Variants in TNFRSF25 observed in about 807,000 individuals in gnomAD.
The protein encoded by TNFRSF25 is tumor necrosis factor receptor superfamily member 25.
A neutral mutation model predicts 49.4 loss-of-function variants in TNFRSF25; 28 were observed. The observed-to-expected ratio is 0.57, with a 90% CI of 0.42 to 0.78. The LOEUF is 0.78. Ranked by LOEUF, TNFRSF25 falls within the 30% of genes least tolerant of loss-of-function variation. TNFRSF25 has a pLI of 0.00. For missense variants in TNFRSF25, 531 were observed against 581.6 expected, an observed-to-expected ratio of 0.91 and a Z score of 0.90; for synonymous variants, 240 against 234.2, an observed-to-expected ratio of 1.02 and a Z score of -0.23.
At position 6,464,511 on chromosome 1, in the gene TNFRSF25, AG is replaced by A. The variant is rs766079186; in HGVS notation, c.463+40del. On this transcript the variant is annotated intron_variant, in intron 4 of 9. Coordinates refer to ENST00000356876, the MANE Select transcript of TNFRSF25 (RefSeq NM_003790.3). ...GACAGGAGTGGGTCAGGCAGGGAGAAGGGGGTCTGGGAGTAGAGAGCCCTGG... is the reference window on the plus strand; with the variant it reads ...GACAGGAGTGGGTCAGGCAGGGAGAAGGGGTCTGGGAGTAGAGAGCCCTGG... 5 of 1,613,130 alleles carry A rather than the reference AG, an allele frequency of 3.1e-6. No homozygotes were observed. The Admixed American group carries it at 6.7e-5, about 22-fold the overall frequency.
In TNFRSF25 at chr1:6,465,564, G is replaced by C. The variant is rs771462454; in HGVS notation, c.40-4C>G. 24 of 1,611,596 alleles carry C rather than the reference G, an allele frequency of 1.5e-5. No individual in the cohort carries two copies. Among genetic ancestry groups the C allele is most frequent in the Non-Finnish European group, 2.0e-5 (23 of 1,179,214 alleles). On this transcript the variant is annotated splice_polypyrimidine_tract_variant and splice_region_variant and intron_variant, in intron 1 of 9. Coordinates refer to ENST00000356876, the MANE Select transcript of TNFRSF25 (RefSeq NM_003790.3). Reference sequence around the variant, plus strand: ...CCAGCAGCACCAGGAGGAGCGCCTGGGGGACAGGTGCTGCTGACTCTCAGC... The same window carrying C: ...CCAGCAGCACCAGGAGGAGCGCCTGCGGGACAGGTGCTGCTGACTCTCAGC...
Position 6,461,377 on chromosome 1 carries a change from G to C in TNFRSF25, c.*57C>G. Reference sequence around the variant, plus strand: ...AAAATGTCTACACGCATAAGTAACCGTACTTAGGGCTTCTGCAAGGGCCAC... The same window carrying C: ...AAAATGTCTACACGCATAAGTAACCCTACTTAGGGCTTCTGCAAGGGCCAC... On this transcript the variant is annotated 3_prime_UTR_variant, in exon 10 of 10. Transcript: ENST00000356876. The surrounding 1 kb of genome is among the most constrained non-coding windows in gnomAD (Gnocchi z 6.3). 6.8e-7 allele frequency: 1 copy of C among 1,463,458 alleles called. No homozygotes were observed. Among genetic ancestry groups the C allele is most frequent in the African/African-American group, 1.4e-5 (1 of 70,440 alleles). The allele number at this position is 1,463,458 out of a possible 1,614,324, so 90.7% of individuals were successfully genotyped here.
chr1:6,465,859 G>T, intron 1 of TNFRSF25: 2 of 1,423,238 alleles, frequency 1.4e-6, no homozygotes, highest in Non-Finnish European at 1.8e-6. Flanking sequence ...CACTGATAAT[G>T]CTCTGCCTGG....
In TNFRSF25 at chr1:6,461,301, G is replaced by A. The variant is rs1644164648; in HGVS notation, c.*133C>T. 3.4e-6 allele frequency: 4 copies of A among 1,177,714 alleles called. No homozygotes were observed. Among genetic ancestry groups the A allele is most frequent in the Non-Finnish European group, 4.9e-6 (4 of 811,002 alleles). 73.0% of individuals were successfully genotyped at this position (1,177,714 alleles called of 1,614,324 possible). A position where few individuals can be genotyped will look rare whatever the true frequency, so the allele number is the denominator to read the frequency against. ...AGCGATAGGGGCGAGCAGGGGTGGG[G>A]CCGGCTGGTGCTGCTACGCAGGGCC... On this transcript the variant is annotated 3_prime_UTR_variant, in exon 10 of 10. Transcript: ENST00000356876. The surrounding 1 kb of genome is among the most constrained non-coding windows in gnomAD (Gnocchi z 6.3).
chr1:6,462,940 A>AG lies in TNFRSF25; in HGVS notation c.628dup (p.Leu210ProfsTer29). 1.2e-6 allele frequency: 2 copies of AG among 1,602,236 alleles called. No individual in the cohort carries two copies. Among genetic ancestry groups the AG allele is most frequent in the Non-Finnish European group, 1.7e-6 (2 of 1,174,246 alleles). ...GGCCCCAAGCAGGAGGGGGACCACA[A>AG]GGCCAGCCAGGAGCACCTGGACCCA... On this transcript the variant is annotated frameshift_variant, in exon 7 of 10. Coordinates refer to ENST00000356876, the MANE Select transcript of TNFRSF25 (RefSeq NM_003790.3). LOFTEE classifies it high-confidence loss of function. This position sits in a 1 kb window ranked among gnomAD's most constrained non-coding sequence, Gnocchi z 4.2.
Position 6,461,460 on chromosome 1 carries a change from G to T in TNFRSF25, c.1228C>A (p.Arg410Ser), listed in dbSNP as rs747187606. 1.3e-5 allele frequency: 20 copies of T among 1,542,410 alleles called. No homozygotes were observed. Among genetic ancestry groups the T allele is most frequent in the Non-Finnish European group, 1.7e-5 (19 of 1,145,852 alleles). The change falls in exon 10 of 10, where the codon CGC becomes AGC. Residue 410 changes from arginine (R) to serine (S), a missense_variant. By Grantham distance (110) the Arg-to-Ser change is moderately radical. Coordinates refer to ENST00000356876, the MANE Select transcript of TNFRSF25 (RefSeq NM_003790.3). The surrounding 1 kb of genome is among the most constrained non-coding windows in gnomAD (Gnocchi z 6.3). ...CACGGGCCGCGCTGCAGGCGGCTGC[G>T]CAAGTCTTCCACGCAGCCGTCCAGC... ...MGLDGCVEDL[R>S]SRLQRGP
At position 6,461,381 on chromosome 1, in the gene TNFRSF25, T is replaced by A; in HGVS notation, c.*53A>T. On this transcript the variant is annotated 3_prime_UTR_variant, in exon 10 of 10. Transcript: ENST00000356876. The surrounding 1 kb of genome is among the most constrained non-coding windows in gnomAD (Gnocchi z 6.3). ...TGTCTACACGCATAAGTAACCGTACTTAGGGCTTCTGCAAGGGCCACCAGA... is the reference window on the plus strand; with the variant it reads ...TGTCTACACGCATAAGTAACCGTACATAGGGCTTCTGCAAGGGCCACCAGA... 6.8e-7 allele frequency: 1 copy of A among 1,472,398 alleles called. No individual in the cohort carries two copies. The highest frequency in any genetic ancestry group is 9.0e-7 in the Non-Finnish European group (1 of 1,108,410). The allele number at this position is 1,472,398 out of a possible 1,614,324, so 91.2% of individuals were successfully genotyped here. A position where few individuals can be genotyped will look rare whatever the true frequency, so the allele number is the denominator to read the frequency against.
Position 6,464,471 on chromosome 1 carries a change from C to A in TNFRSF25, c.464-18G>T. The stretch of plus-strand genomic sequence containing the variant: ...GCGGGAACCTGCAATCCAGGAGAGG[C>A]ATGCGTCACCATGGGACAGGAGTGG... On this transcript the variant is annotated intron_variant, in intron 4 of 9. Coordinates refer to ENST00000356876, the MANE Select transcript of TNFRSF25 (RefSeq NM_003790.3). 6.2e-7 allele frequency: 1 copy of A among 1,611,252 alleles called. No individual in the cohort carries two copies. The highest frequency in any genetic ancestry group is 8.5e-7 in the Non-Finnish European group (1 of 1,178,886).
chr1:6,465,639 G>A (rs1644334408), intron 1 of TNFRSF25, 79 bp from the exon 2 acceptor site: 1 of 1,542,162 alleles, frequency 6.5e-7, no homozygotes, highest in East Asian at 2.4e-5. Context: ...CCATTTCAGA[G>A]GCCCCAGCAT....
In TNFRSF25 at chr1:6,461,767, G is replaced by A; in HGVS notation, c.926-5C>T. 2.0e-6 allele frequency: 3 copies of A among 1,516,218 alleles called. No homozygotes were observed. The highest frequency in any genetic ancestry group is 1.8e-6 in the Non-Finnish European group (2 of 1,134,286). The allele number at this position is 1,516,218 out of a possible 1,614,324, so 93.9% of individuals were successfully genotyped here. ...GTGTGGGCGCAGCAGCGGGGCCTGGGGCAGGGCCAGAGAGAGCCAATTGGG... is the reference window on the plus strand; with the variant it reads ...GTGTGGGCGCAGCAGCGGGGCCTGGAGCAGGGCCAGAGAGAGCCAATTGGG... On this transcript the variant is annotated splice_polypyrimidine_tract_variant and splice_region_variant and intron_variant, in intron 9 of 9. Transcript: ENST00000356876. This position sits in a 1 kb window ranked among gnomAD's most constrained non-coding sequence, Gnocchi z 6.3.
rs568260428 is a variant in TNFRSF25, at chr1:6,465,430, G to A, written c.160+10C>T. 117 of 1,613,886 alleles carry A rather than the reference G, an allele frequency of 7.2e-5. 7 individuals are homozygous for A. In the South Asian group the frequency reaches 1.2e-3, roughly 16 times the overall value. On this transcript the variant is annotated intron_variant, in intron 2 of 9. Coordinates refer to ENST00000356876, the MANE Select transcript of TNFRSF25 (RefSeq NM_003790.3). Reference sequence around the variant, plus strand: ...TGCCCCATGCCTCTCCCACCCCTGTGGCCACTTACCCGCTGGGCAGCCTCT... The same window carrying A: ...TGCCCCATGCCTCTCCCACCCCTGTAGCCACTTACCCGCTGGGCAGCCTCT...
At chr1:6,463,299 C>T (rs1311440517) in intron 5 of TNFRSF25, 172 bp from the exon 6 acceptor site, 28 of 649,036 alleles carry the variant, frequency 4.3e-5, no homozygotes, top group Non-Finnish European at 5.6e-5. Flanking sequence ...ACACTATTCA[C>T]TGAGCTTCTT....
At chr1:6,463,051 C>T (rs770334330) in intron 6 of TNFRSF25, 21 bp downstream of exon 6, 29 of 1,552,108 alleles carry the variant, frequency 1.9e-5, no homozygotes, top group Non-Finnish European at 2.6e-6. Flanking sequence ...CTCCCACTCG[C>T]ATTCCCAGCA....
chr1:6,464,139 G>A, intron 5 of TNFRSF25: 2 of 1,395,600 alleles, frequency 1.4e-6, no homozygotes, highest in Non-Finnish European at 1.9e-6. Context: ...AGGATCGCTG[G>A]GGGGAATGCT....
At chr1:6,463,043 C>T in intron 6 of TNFRSF25, 29 bp downstream of exon 6, 1 of 1,552,482 alleles carries the variant, frequency 6.4e-7, no homozygotes, top group Non-Finnish European at 8.7e-7. Context: ...TCCCAGTTCT[C>T]CCACTCGCAT....
In TNFRSF25 at chr1:6,464,408, T is replaced by C. The variant is rs1455854052; in HGVS notation, c.509A>G (p.Tyr170Cys). The change falls in exon 5 of 10, where the codon TAT (tyrosine) becomes TGT (cysteine). Residue 170 changes from tyrosine (Y) to cysteine (C), a missense_variant. By Grantham distance (194) the Tyr-to-Cys change is radical (BLOSUM62 -2). Transcript: ENST00000356876. ...TDCGTCLPGFYEHGDGCVSCP... is the reference protein window; with the variant it reads ...TDCGTCLPGFCEHGDGCVSCP... ...GGACACGCAGCCATCGCCATGTTCA[T>C]AGAAGCCAGGCAGGCAGGTCCCACA... 15 of 1,611,820 alleles carry C rather than the reference T, an allele frequency of 9.3e-6. No homozygotes were observed. Among genetic ancestry groups the C allele is most frequent in the Non-Finnish European group, 1.3e-5 (15 of 1,179,286 alleles).
chr1:6,463,937 T>C (rs1644257625), intron 5 of TNFRSF25: 2 of 188,682 alleles, frequency 1.1e-5, no homozygotes, highest in Non-Finnish European at 2.0e-5. Context: ...ATTTATTTAA[T>C]AGATTTAATA....
Position 6,464,561 on chromosome 1 carries a change from G to A in TNFRSF25, c.454C>T (p.Arg152Trp), listed in dbSNP as rs778017593. The A allele has an allele frequency of 1.1e-5, 18 of 1,614,024 alleles. No homozygotes were observed. The highest frequency in any genetic ancestry group is 1.4e-5 in the Non-Finnish European group (16 of 1,180,030). ...LDCGALHRHT[R>W]LLCSRRDTDC... The stretch of plus-strand genomic sequence containing the variant: ...GGGTGGGGGTACTCACAGAGTAGCC[G>A]TGTGTGGCGGTGCAGGGCCCCGCAG... Residue 152 changes from arginine to tryptophan, a missense_variant, in exon 4 of 10, where the codon CGG becomes TGG. Coordinates refer to ENST00000356876, the MANE Select transcript of TNFRSF25 (RefSeq NM_003790.3).
Position 6,462,224 on chromosome 1 carries a change from C to T in TNFRSF25, c.745-50G>A. 1 of 1,550,664 alleles carries T rather than the reference C, an allele frequency of 6.4e-7. No individual in the cohort carries two copies. The highest frequency in any genetic ancestry group is 8.7e-7 in the Non-Finnish European group (1 of 1,149,176). ...TCAGCCCTGCTTGCCAAGTAAGGCC[C>T]CTTACCCGCAGTGCCTCTCCAGGAG... On this transcript the variant is annotated intron_variant, in intron 8 of 9. Coordinates refer to ENST00000356876, the MANE Select transcript of TNFRSF25 (RefSeq NM_003790.3). The surrounding 1 kb of genome is among the most constrained non-coding windows in gnomAD (Gnocchi z 4.2).
Sources: gnomAD v4.1 joint callset for allele counts on GRCh38, gnomAD v4.1.1 for gene constraint, Gnocchi (gnomAD v3.1) non-coding constraint, MANE v1.5 for transcripts, NCBI Gene and HGNC (gene_info 2026-07-23, HGNC 2026-07-21) for gene names.